SHH: variants seen among roughly 807,000 people sequenced by gnomAD.
SHH encodes the protein sonic hedgehog signaling molecule.
In SHH, 3 loss-of-function variants were observed where a neutral mutation model predicts 16.6. That is an observed-to-expected ratio of 0.18 (90% CI 0.08 to 0.47). SHH has a LOEUF of 0.47. Ranked by LOEUF, SHH falls within the 20% of genes least tolerant of loss-of-function variation. SHH has a pLI of 0.98. For synonymous variants in SHH, 351 were observed against 316.2 expected, an observed-to-expected ratio of 1.11 and a Z score of -1.17; for missense variants, 499 against 665.0, an observed-to-expected ratio of 0.75 and a Z score of 2.75.
chr7:155,803,299 G>T lies in SHH; in HGVS notation c.990C>A (p.Ala330=). Residue 330 remains alanine (A), a synonymous_variant, in exon 3 of 3, where the codon GCC becomes GCA. Coordinates refer to ENST00000297261, the MANE Select transcript of SHH (RefSeq NM_000193.4). ...ERDGDRRLLP[A]AVHSVTLSEE... ...CGCTTAGGGTCACGCTGTGCACAGC[G>T]GCGGGCAGGAGCCGGCGGTCCCCGT... is the stretch of plus-strand genomic sequence containing the variant. 2 of 1,485,948 alleles carry T rather than the reference G, an allele frequency of 1.3e-6. No individual in the cohort carries two copies. The highest frequency in any genetic ancestry group is 1.8e-6 in the Non-Finnish European group (2 of 1,125,830). The allele number at this position is 1,485,948 out of a possible 1,614,324, so 92.0% of individuals were successfully genotyped here.
At position 155,806,631 on chromosome 7, in the gene SHH, C is replaced by T. The variant is rs1803370504; in HGVS notation, c.301-74G>A. On this transcript the variant is annotated intron_variant, in intron 1 of 2. Transcript: ENST00000297261. Reference sequence around the variant, plus strand: ...CCGCCACCCCTCCCGGCCCCTCCATCAGCCTGCCCTGCCCAGTCTCAAGGC... The same window carrying T: ...CCGCCACCCCTCCCGGCCCCTCCATTAGCCTGCCCTGCCCAGTCTCAAGGC... 17 of 1,586,536 alleles carry T rather than the reference C, an allele frequency of 1.1e-5. No homozygotes were observed. The Middle Eastern group carries it at 5.6e-4, about 53-fold the overall frequency.
chr7:155,802,946 T>A lies in SHH; in HGVS notation c.1343A>T (p.Asp448Val). The A allele has an allele frequency of 6.6e-7, 1 of 1,525,038 alleles. No homozygotes were observed. The highest frequency in any genetic ancestry group is 8.8e-7 in the Non-Finnish European group (1 of 1,132,946). The allele number at this position is 1,525,038 out of a possible 1,614,324, so 94.5% of individuals were successfully genotyped here. The change falls in exon 3 of 3, where the codon GAC becomes GTC. Residue 448 changes from aspartate (D) to valine (V), a missense_variant. Transcript: ENST00000297261. The stretch of plus-strand genomic sequence containing the variant: ...GCCCAGCGGGTGCAGGGCCTCGCTG[T>A]CCAGGAGCCAGGTGCCTATTTGGTA... ...LLYQIGTWLL[D>V]SEALHPLGMA...
intron 2 of SHH, among the ~76,000 whole-genome samples, chr7:155,805,611 G>C (rs919032851): frequency 1.3e-5 from 2 of 152,210 alleles, no homozygotes; most frequent in Admixed American, 1.3e-4. Flanking sequence ...GCTGTTCCTC[G>C]CCGGCAACAG....
chr7:155,803,835 G>A lies in SHH; in HGVS notation c.563-109C>T, dbSNP rs575926893. Reference sequence around the variant, plus strand: ...CTTGGTGCCCGCGCTCCTAGGCCAGGGGTGCGCAAGGCGCGGGGCGGGGCG... The same window carrying A: ...CTTGGTGCCCGCGCTCCTAGGCCAGAGGTGCGCAAGGCGCGGGGCGGGGCG... On this transcript the variant is annotated intron_variant, in intron 2 of 2. Coordinates refer to ENST00000297261, the MANE Select transcript of SHH (RefSeq NM_000193.4). 8.0e-4 allele frequency: 750 copies of A among 935,494 alleles called. 3 individuals are homozygous for A. Among genetic ancestry groups the A allele is most frequent in the Non-Finnish European group, 1.1e-3 (649 of 612,362 alleles). 57.9% of individuals were successfully genotyped at this position (935,494 alleles called of 1,614,324 possible).
intron 1 of SHH, chr7:155,808,997 G>A (rs1803440715): frequency 6.6e-6 from 1 of 152,390 alleles, no homozygotes; most frequent in Non-Finnish European, 1.5e-5. Context: ...CCATACCTGA[G>A]CGTCTTTCCT....
At chr7:155,805,856 G>T (rs1803344940) in intron 2 of SHH, among the ~76,000 whole-genome samples, 1 of 152,252 alleles carries the variant, frequency 6.6e-6, no homozygotes, top group African/African-American at 2.4e-5. Flanking sequence ...CCAGGACGCG[G>T]GCTCCGGGGC....
intron 1 of SHH, among the ~76,000 whole-genome samples, chr7:155,808,141 A>T (rs1803414294): frequency 6.6e-6 from 1 of 152,032 alleles, no homozygotes; most frequent in Admixed American, 6.5e-5. Context: ...CAGTGCCTGC[A>T]TGTTTGTGGG....
intron 2 of SHH, among the ~76,000 whole-genome samples, chr7:155,804,562 C>T (rs2117131456): frequency 6.6e-6 from 1 of 151,854 alleles, no homozygotes; most frequent in African/African-American, 2.4e-5. Flanking sequence ...TGCAACCCCC[C>T]CCCACCCCGT....
In SHH at chr7:155,806,193, C is replaced by A. The variant is rs1584800262; in HGVS notation, c.562+103G>T. Reference sequence around the variant, plus strand: ...GCAGTCATCGCCCAGCGACCCTGCTCCTGGCCCTCAGCCTCCCCCCAGGTT... The same window carrying A: ...GCAGTCATCGCCCAGCGACCCTGCTACTGGCCCTCAGCCTCCCCCCAGGTT... On this transcript the variant is annotated intron_variant, in intron 2 of 2. Coordinates refer to ENST00000297261, the MANE Select transcript of SHH (RefSeq NM_000193.4). 2.7e-6 allele frequency: 4 copies of A among 1,457,462 alleles called. No homozygotes were observed. The East Asian group carries it at 9.1e-5, about 33-fold the overall frequency. 90.3% of individuals were successfully genotyped at this position (1,457,462 alleles called of 1,614,324 possible).
rs1015997899 is a variant in SHH at position 155,809,108 on chromosome 7, C to T, written c.301-2551G>A. 3 of 152,370 alleles carry T rather than the reference C, an allele frequency of 2.0e-5. No homozygotes were observed. The highest frequency in any genetic ancestry group is 7.2e-5 in the African/African-American group (3 of 41,418). 9.4% of individuals were successfully genotyped at this position (152,370 alleles called of 1,614,324 possible). On this transcript the variant is annotated intron_variant, in intron 1 of 2. Coordinates refer to ENST00000297261, the MANE Select transcript of SHH (RefSeq NM_000193.4). The surrounding 1 kb of genome is among the most constrained non-coding windows in gnomAD (Gnocchi z 6.1). ...TCTGGCCTCCTGCCCCTTAGGAGCC[C>T]CCTGGCCGCCAGCACCCTCGCCTGG...
In SHH at chr7:155,806,348, G is replaced by A. The variant is rs755703513; in HGVS notation, c.510C>T (p.Phe170=). The change falls in exon 2 of 3, where the codon TTC becomes TTT. Residue 170 remains phenylalanine (F), a synonymous_variant. Coordinates refer to ENST00000297261, the MANE Select transcript of SHH (RefSeq NM_000193.4). ...MLARLAVEAG[F]DWVYYESKAH... is the part of the protein sequence containing the mutation. ...CCTTGGACTCGTAGTACACCCAGTCGAAGCCGGCCTCCACCGCCAGGCGGG... is the reference window on the plus strand; with the variant it reads ...CCTTGGACTCGTAGTACACCCAGTCAAAGCCGGCCTCCACCGCCAGGCGGG... 1.9e-6 allele frequency: 3 copies of A among 1,613,442 alleles called. No homozygotes were observed.
At chr7:155,810,460 G>C (rs1386982588) in intron 1 of SHH, among the ~76,000 whole-genome samples, 1 of 152,248 alleles carries the variant, frequency 6.6e-6, no homozygotes, top group Non-Finnish European at 1.5e-5. Flanking sequence ...CCAGCTGCAC[G>C]CAACGGGCAC....
rs1437549012 is a variant in SHH, at chr7:155,803,270, T to C, written c.1019A>G (p.Glu340Gly). Residue 340 changes from glutamate (E) to glycine (G), a missense_variant, in exon 3 of 3, where the codon GAG (glutamate) becomes GGG (glycine). Physicochemically the swap from Glu to Gly is moderately conservative, Grantham distance 98. Around this residue, in one of 4 missense-constraint regions of SHH, gnomAD observed 299 missense variants for 301.1 expected, o/e 0.99. Transcript: ENST00000297261. ...AAVHSVTLSE[E>G]AAGAYAPLTA... ...GAGCGGCGCGTAGGCGCCCGCGGCC[T>C]CCTCGCTTAGGGTCACGCTGTGCAC... is the stretch of plus-strand genomic sequence containing the variant. 1 of 1,506,038 alleles carries C rather than the reference T, an allele frequency of 6.6e-7. No homozygotes were observed. Among genetic ancestry groups the C allele is most frequent in the South Asian group, 1.3e-5 (1 of 79,940 alleles). The allele number at this position is 1,506,038 out of a possible 1,614,324, so 93.3% of individuals were successfully genotyped here. A position where few individuals can be genotyped will look rare whatever the true frequency, so the allele number is the denominator to read the frequency against.
At chr7:155,804,604 G>A (rs1169458475) in intron 2 of SHH, among the ~76,000 whole-genome samples, 1 of 147,704 alleles carries the variant, frequency 6.8e-6, no homozygotes, top group African/African-American at 2.5e-5. Flanking sequence ...TGCACAGCCA[G>A]GCCTCTCTTC....
Position 155,811,926 on chromosome 7 carries a change from A to C in SHH, c.197T>G (p.Ile66Ser). ...LGASGRYEGKISRNSERFKEL... is the reference protein window; with the variant it reads ...LGASGRYEGKSSRNSERFKEL... ...CTTAAATCGCTCGGAGTTTCTGGAG[A>C]TCTTCCCTTCATACCTTCCGCTGGC... The change falls in exon 1 of 3, where the codon ATC becomes AGC. Residue 66 changes from isoleucine (I) to serine (S), a missense_variant. Ile to Ser is a moderately radical substitution (Grantham distance 142). This residue lies in a region of SHH where 75 missense variants were observed against 115.0 expected (regional missense o/e 0.65). Transcript: ENST00000297261. 1 of 1,613,958 alleles carries C rather than the reference A, an allele frequency of 6.2e-7. No individual in the cohort carries two copies. Among genetic ancestry groups the C allele is most frequent in the Non-Finnish European group, 8.5e-7 (1 of 1,179,986 alleles).
intron 1 of SHH, among the ~76,000 whole-genome samples, chr7:155,810,650 C>A (rs926945215): frequency 2.6e-5 from 4 of 152,226 alleles, no homozygotes. Context: ...GCCTGCCCCT[C>A]GCCTTTCTCG....
rs777383609 is a variant in SHH at position 155,803,608 on chromosome 7, C to A, written c.681G>T (p.Ala227=). Residue 227 remains alanine, a synonymous_variant, in exon 3 of 3, where the codon GCG becomes GCT. Coordinates refer to ENST00000297261, the MANE Select transcript of SHH (RefSeq NM_000193.4). ...TGTAGAGCAGCCGGCCCTGGTCGTC[C>A]GCCGCCAGCACGCGGTCCCCGGGGC... The part of the protein sequence containing the change: ...DLSPGDRVLA[A]DDQGRLLYSD... The A allele has an allele frequency of 3.8e-6, 6 of 1,598,296 alleles. No homozygotes were observed. Among genetic ancestry groups the A allele is most frequent in the Non-Finnish European group, 5.1e-6 (6 of 1,179,528 alleles).
chr7:155,803,807 A>C (rs1803271710), intron 2 of SHH, 81 bp from the exon 3 acceptor site: 1 of 1,253,836 alleles, frequency 8.0e-7, no homozygotes, highest in Non-Finnish European at 1.1e-6. Context: ...AGGAGGGCGC[A>C]CGCTTGGTGC....
chr7:155,806,610 C>T (rs1304341258), intron 1 of SHH, 53 bp from the exon 2 acceptor site: 5 of 1,608,090 alleles, frequency 3.1e-6, no homozygotes, highest in Non-Finnish European at 3.4e-6. Context: ...GGGCAACCGC[C>T]ACCCCTCCCG....
Sources: allele counts gnomAD v4.1 joint callset (sites outside exome capture counted in the v4.1 genomes callset), GRCh38; gene constraint gnomAD v4.1.1; regional missense constraint gnomAD v4.1.1; non-coding constraint Gnocchi (gnomAD v3.1); transcripts MANE v1.5; gene names NCBI Gene and HGNC (gene_info 2026-07-23, HGNC 2026-07-21).